Variants in ING1 observed in about 807,000 individuals in gnomAD.
ING1 encodes inhibitor of growth family member 1, also known as inhibitor of growth protein 1.
Under a neutral mutation model 23.1 loss-of-function variants are expected in ING1, and 4 were observed. The observed-to-expected ratio is 0.17, with a 90% confidence interval of 0.09 to 0.40. The LOEUF (loss-of-function observed/expected upper bound fraction) is 0.40. ING1 is among the 10% of genes least tolerant of loss of function. The pLI, the probability that ING1 is intolerant of heterozygous loss-of-function variation, is 1.00. For missense variants in ING1, 256 were observed against 393.8 expected (o/e 0.65, Z 2.96); for synonymous variants, 179 against 166.4 (o/e 1.08, Z -0.58).
At position 110,713,879 on chromosome 13, in the gene ING1, C is replaced by T; in HGVS notation, c.-271C>T. ...TACGCGCGGCCCCCGGCGCCAGCCC[C>T]GCCGCCTGAGAGGGGGCCTGCGCCG... On this transcript the variant is annotated 5_prime_UTR_variant, in exon 1 of 2. Coordinates refer to ENST00000333219, the MANE Select transcript of ING1 (RefSeq NM_198219.3). 1.0e-6 allele frequency: 1 copy of T among 981,346 alleles called. No homozygotes were observed. The highest frequency in any genetic ancestry group is 1.2e-6 in the Non-Finnish European group (1 of 828,338). The allele number at this position is 981,346 out of a possible 1,614,324, so 60.8% of individuals were successfully genotyped here. A position where few individuals can be genotyped will look rare whatever the true frequency, so the allele number is the denominator to read the frequency against.
rs761216600 is a variant in ING1, at chr13:110,714,305, GGGCGGGGGCGGCCGCCTCCTTCCC to G, written c.136+27_136+50del. ...ACCAAGGTACGGCCGGGTGATGGAT[GGGCGGGGGCGGCCGCCTCCTTCCC>G]GGCGGGTCCGGGCGCGCCGCGGAGC... On this transcript the variant is annotated intron_variant, in intron 1 of 1. Coordinates refer to ENST00000333219, the MANE Select transcript of ING1 (RefSeq NM_198219.3). 8.1e-5 allele frequency: 124 copies of G among 1,536,434 alleles called. No individual in the cohort carries two copies. Among genetic ancestry groups the G allele is most frequent in the Non-Finnish European group, 1.0e-4 (117 of 1,142,798 alleles).
At chr13:110,712,903 G>C (rs577423815), upstream of ING1, 9 of 1,526,610 alleles carry the variant, frequency 5.9e-6, no homozygotes, top group South Asian at 3.6e-5. Context: ...ACGACACAAA[G>C]GGAGGGCGGT....
At chr13:110,718,057 T>A (rs979121237) in intron 1 of ING1, among the ~76,000 whole-genome samples, 1 of 152,226 alleles carries the variant, frequency 6.6e-6, no homozygotes, top group Admixed American at 6.5e-5. Flanking sequence ...AATTACACTT[T>A]AAAATCATAT....
In ING1 at chr13:110,719,579, T is replaced by C. The variant is rs1342833850; in HGVS notation, c.487T>C (p.Ser163Pro). 9 of 1,611,398 alleles carry C rather than the reference T, an allele frequency of 5.6e-6. No individual in the cohort carries two copies. The highest frequency in any genetic ancestry group is 2.2e-5 in the East Asian group (1 of 44,802). Residue 163 changes from serine (S) to proline (P), a missense_variant, in exon 2 of 2, where the codon TCC (serine) becomes CCC (proline). By Grantham distance (74) the Ser-to-Pro change is moderately conservative. Coordinates refer to ENST00000333219, the MANE Select transcript of ING1 (RefSeq NM_198219.3). This position sits in a 1 kb window ranked among gnomAD's most constrained non-coding sequence, Gnocchi z 8.9. ...QRNNENRENA[S>P]SNHDHDDGAS... ...CAACAACGAGAACCGTGAGAACGCGTCCAGCAACCACGACCACGACGACGG... is the reference window on the plus strand; with the variant it reads ...CAACAACGAGAACCGTGAGAACGCGCCCAGCAACCACGACCACGACGACGG...
chr13:110,713,438 CTAG>C (rs1338402630), upstream of ING1: 2 of 997,426 alleles, frequency 2.0e-6, no homozygotes, highest in Non-Finnish European at 2.4e-6. Flanking sequence ...CCAAAAACTC[CTAG>C]TAAAGTTTGC....
At chr13:110,715,282 CA>C (rs370824976) in intron 1 of ING1, 256,627 of 1,121,912 alleles carry the variant, frequency 0.23, 22,304 homozygotes, top group South Asian at 0.35. Flanking sequence ...TGGGTGGGGG[CA>C]AAAAAAAAAA....
intron 1 of ING1, chr13:110,714,985 G>A (rs2064095814): frequency 2.0e-6 from 2 of 990,552 alleles, no homozygotes; most frequent in Non-Finnish European, 1.2e-6. Flanking sequence ...GGGGAGGAGC[G>A]GAGGCGGGGA....
Position 110,714,136 on chromosome 13 carries a change from C to T in ING1, c.-14C>T. 1 of 1,523,464 alleles carries T rather than the reference C, an allele frequency of 6.6e-7. No homozygotes were observed. The highest frequency in any genetic ancestry group is 8.8e-7 in the Non-Finnish European group (1 of 1,134,666). The allele number at this position is 1,523,464 out of a possible 1,614,324, so 94.4% of individuals were successfully genotyped here. On this transcript the variant is annotated 5_prime_UTR_variant, in exon 1 of 2. Transcript: ENST00000333219. ...AAAGCCGCGCCGAGTCGCCGGGGACCTCCGGGGTGAACCATGTTGAGTCCT... is the reference window on the plus strand; with the variant it reads ...AAAGCCGCGCCGAGTCGCCGGGGACTTCCGGGGTGAACCATGTTGAGTCCT...
In ING1 at chr13:110,713,860, C is replaced by A; in HGVS notation, c.-290C>A. ...GCCGGTGTGTGCGCGCTCGTACGCG[C>A]GGCCCCCGGCGCCAGCCCCGCCGCC... On this transcript the variant is annotated 5_prime_UTR_variant, in exon 1 of 2. Transcript: ENST00000333219. 7.1e-6 allele frequency: 7 copies of A among 981,806 alleles called. No individual in the cohort carries two copies. Among genetic ancestry groups the A allele is most frequent in the Non-Finnish European group, 8.4e-6 (7 of 828,404 alleles). The allele number at this position is 981,806 out of a possible 1,614,324, so 60.8% of individuals were successfully genotyped here.
chr13:110,713,638 C>T (rs1352365756), upstream of ING1: 2 of 984,842 alleles, frequency 2.0e-6, no homozygotes, highest in Admixed American at 6.2e-5. Context: ...GGGAGGGGGC[C>T]GGGGCGCATG....
At chr13:110,716,032 C>G in intron 1 of ING1, 1 of 1,479,126 alleles carries the variant, frequency 6.8e-7, no homozygotes, top group Non-Finnish European at 8.9e-7. Flanking sequence ...GCTGCGTCCA[C>G]GAGGGGGACC....
At position 110,723,002 on chromosome 13, in the gene ING1, G is replaced by A. The variant is rs1484377946; in HGVS notation, c.*3070G>A. On this transcript the variant is annotated 3_prime_UTR_variant, in exon 2 of 2. Transcript: ENST00000333219. ...ATAGAACAGTTGCTTTTACTTAGAT[G>A]TTCAATGCATATTTGTTGTATAATA... is the stretch of plus-strand genomic sequence containing the variant. 1 of 152,214 alleles carries A rather than the reference G, an allele frequency of 6.6e-6. No individual in the cohort carries two copies. Among genetic ancestry groups the A allele is most frequent in the African/African-American group, 2.4e-5 (1 of 41,454 alleles). The allele number at this position is 152,214 out of a possible 1,614,324, so 9.4% of individuals were successfully genotyped here.
At chr13:110,713,401 C>G (rs2064062003), upstream of ING1, 23 of 1,026,150 alleles carry the variant, frequency 2.2e-5, no homozygotes, top group Non-Finnish European at 2.7e-5. Context: ...GCGTGCTGTG[C>G]CGCCCAACAG....
intron 1 of ING1, chr13:110,715,663 G>C (rs758864225): frequency 2.1e-5 from 34 of 1,610,262 alleles, no homozygotes; most frequent in Non-Finnish European, 2.8e-5. Flanking sequence ...CTGCTGGGGC[G>C]GGCCGTGCTC....
At chr13:110,715,923 C>G (rs768845466) in intron 1 of ING1, 5 of 1,566,832 alleles carry the variant, frequency 3.2e-6, no homozygotes, top group Admixed American at 1.9e-5. Flanking sequence ...CGGACCGCCT[C>G]CCGCGACCCG....
chr13:110,712,883 G>C (rs1489349795), upstream of ING1: 2 of 1,406,440 alleles, frequency 1.4e-6, no homozygotes, highest in African/African-American at 2.8e-5. Flanking sequence ...TCCAAACTGA[G>C]TACCGGGAGA....
intron 1 of ING1, chr13:110,715,200 T>C (rs982190213): frequency 8.0e-6 from 10 of 1,252,802 alleles, no homozygotes; most frequent in African/African-American, 1.5e-5. Flanking sequence ...TTGGGGGCTC[T>C]GTTTTGAATG....
rs1472603855 is a variant in ING1, at chr13:110,721,303, C to T, written c.*1371C>T. The T allele has an allele frequency of 6.6e-6, 1 of 152,156 alleles. No homozygotes were observed. The highest frequency in any genetic ancestry group is 1.5e-5 in the Non-Finnish European group (1 of 68,072). The allele number at this position is 152,156 out of a possible 1,614,324, so 9.4% of individuals were successfully genotyped here. A position where few individuals can be genotyped will look rare whatever the true frequency, so the allele number is the denominator to read the frequency against. On this transcript the variant is annotated 3_prime_UTR_variant, in exon 2 of 2. Transcript: ENST00000333219. ...TTTTTTATTTTTTTGAGATTGAGTT[C>T]CAGGCTGGAGTGCAATAGCGCAATC... is the stretch of plus-strand genomic sequence containing the variant.
At position 110,714,293 on chromosome 13, in the gene ING1, C is replaced by A; in HGVS notation, c.136+8C>A. Reference sequence around the variant, plus strand: ...TCGACGCGAAATACCAAGGTACGGCCGGGTGATGGATGGGCGGGGGCGGCC... The same window carrying A: ...TCGACGCGAAATACCAAGGTACGGCAGGGTGATGGATGGGCGGGGGCGGCC... On this transcript the variant is annotated splice_region_variant and intron_variant, in intron 1 of 1. Transcript: ENST00000333219. 6.6e-7 allele frequency: 1 copy of A among 1,520,850 alleles called. No individual in the cohort carries two copies. Among genetic ancestry groups the A allele is most frequent in the Non-Finnish European group, 8.8e-7 (1 of 1,131,790 alleles). 94.2% of individuals were successfully genotyped at this position (1,520,850 alleles called of 1,614,324 possible).
Sources: gnomAD v4.1 joint callset for allele counts (sites outside exome capture counted in the v4.1 genomes callset) on GRCh38, gnomAD v4.1.1 for gene constraint, Gnocchi (gnomAD v3.1) non-coding constraint, MANE v1.5 for transcripts, NCBI Gene and HGNC (gene_info 2026-07-23, HGNC 2026-07-21) for gene names.